ARHGAP44: variants seen among roughly 807,000 people sequenced by gnomAD.
ARHGAP44 encodes Rho GTPase activating protein 44.
ARHGAP44 carries 43 observed loss-of-function variants against 106.8 expected under a neutral mutation model. The observed-to-expected ratio is 0.40, with a 90% confidence interval of 0.32 to 0.52. The LOEUF (loss-of-function observed/expected upper bound fraction) is 0.52, where lower values mean the gene tolerates loss of function less well. Ranked by LOEUF, ARHGAP44 falls within the 20% of genes least tolerant of loss-of-function variation. The probability of loss-of-function intolerance (pLI) is 0.48; values close to 1 mark genes in which losing one functional copy is unlikely to be tolerated. For synonymous variants in ARHGAP44, 439 were observed against 410.3 expected (o/e 1.07, Z -0.85); for missense variants, 866 against 1,050.5 (o/e 0.82, Z 2.43).
At chr17:12,907,101 C>T (rs1309164731) in intron 3 of ARHGAP44, among the ~76,000 whole-genome samples, 1 of 152,138 alleles carries the variant, frequency 6.6e-6, no homozygotes, top group Non-Finnish European at 1.5e-5. Flanking sequence ...TAAGTGGAAA[C>T]GCTCTATGTG....
chr17:12,824,535 A>G (rs2034864061), intron 1 of ARHGAP44, among the ~76,000 whole-genome samples: 2 of 151,962 alleles, frequency 1.3e-5, no homozygotes, highest in Non-Finnish European at 2.9e-5. Context: ...GCCCCATCTG[A>G]TTGAGTTGGA....
chr17:12,879,593 A>C (rs546998112), intron 1 of ARHGAP44, among the ~76,000 whole-genome samples: 2 of 152,030 alleles, frequency 1.3e-5, no homozygotes, highest in East Asian at 3.9e-4. Flanking sequence ...TTTTTAAGCA[A>C]AAAGTAGTAA....
chr17:12,826,684 A>G (rs1222754432), intron 1 of ARHGAP44, among the ~76,000 whole-genome samples: 2 of 152,184 alleles, frequency 1.3e-5, no homozygotes, highest in African/African-American at 4.8e-5. Context: ...CCAAGACAAG[A>G]ATGCTTGGAT....
chr17:12,987,211 T>A lies in ARHGAP44; in HGVS notation c.2317+2303T>A. The stretch of plus-strand genomic sequence containing the variant: ...CTAGCTAGCCAGGCCAGCTGCCCGC[T>A]CCTCCCCTCCGCTCCTCGTCTCTGC... On this transcript the variant is annotated intron_variant, in intron 20 of 20. Transcript: ENST00000379672. 2.1e-6 allele frequency: 3 copies of A among 1,430,364 alleles called. No individual in the cohort carries two copies. In the South Asian group the frequency reaches 3.8e-5, roughly 18 times the overall value. The allele number at this position is 1,430,364 out of a possible 1,614,324, so 88.6% of individuals were successfully genotyped here.
chr17:12,861,711 T>C (rs1226071607), intron 1 of ARHGAP44, among the ~76,000 whole-genome samples: 1 of 137,452 alleles, frequency 7.3e-6, no homozygotes, highest in Admixed American at 8.2e-5. Flanking sequence ...CTCGGCTCAC[T>C]GCAACCTCCG....
intron 1 of ARHGAP44, among the ~76,000 whole-genome samples, chr17:12,840,976 G>A (rs532857901): frequency 6.6e-6 from 1 of 152,228 alleles, no homozygotes; most frequent in South Asian, 2.1e-4. Context: ...ACCTTGGCCT[G>A]GTACCCTCAT....
chr17:12,955,573 G>A (rs1205342894), intron 13 of ARHGAP44, among the ~76,000 whole-genome samples: 1 of 152,152 alleles, frequency 6.6e-6, no homozygotes, highest in Non-Finnish European at 1.5e-5. Flanking sequence ...TGTAAAAAGT[G>A]AGGCACTTCA....
chr17:12,823,124 T>G (rs2034820473), intron 1 of ARHGAP44, among the ~76,000 whole-genome samples: 1 of 152,188 alleles, frequency 6.6e-6, no homozygotes, highest in Non-Finnish European at 1.5e-5. Context: ...ATTGTCCTTA[T>G]GATAAAATGA....
At chr17:12,973,018 G>A (rs2039568657) in intron 16 of ARHGAP44, 3 of 396,054 alleles carry the variant, frequency 7.6e-6, no homozygotes, top group Admixed American at 8.6e-5. Flanking sequence ...ACTTTTACCA[G>A]TTTCTTTCTT....
intron 4 of ARHGAP44, among the ~76,000 whole-genome samples, chr17:12,911,560 G>A (rs758872871): frequency 6.6e-6 from 1 of 152,150 alleles, no homozygotes; most frequent in Non-Finnish European, 1.5e-5. Flanking sequence ...TGGGTCTTTG[G>A]GGGTGGAGTG....
intron 19 of ARHGAP44, chr17:12,980,762 A>G (rs1373766999): frequency 2.6e-5 from 4 of 153,348 alleles, no homozygotes; most frequent in Non-Finnish European, 5.8e-5. Context: ...AGCTAAAGGT[A>G]TGCTCCATGT....
rs71144930 is a variant in ARHGAP44 at position 12,861,644 on chromosome 17, C to CTTTTTTTTTTTTTTTTTTTTTTTTT, written c.54-33282_54-33281insTTTTTTTTTTTTTTTTTTTTTTTTT. ...AATTCCTCTTCTGCCTCCTCTTCCA[C>CTTTTTTTTTTTTTTTTTTTTTTTTT]TTTTTTTTTTTTTTGAGATGGAATC... On this transcript the variant is annotated intron_variant, in intron 1 of 20. Coordinates refer to ENST00000379672, the MANE Select transcript of ARHGAP44 (RefSeq NM_014859.6). 6.6e-4 allele frequency among the ~76,000 whole-genome samples: 45 copies of CTTTTTTTTTTTTTTTTTTTTTTTTT among 67,750 alleles called. 11 individuals are homozygous for CTTTTTTTTTTTTTTTTTTTTTTTTT. The highest frequency in any genetic ancestry group is 1.3e-3 in the East Asian group (3 of 2,360). 44.4% of individuals were successfully genotyped at this position (67,750 alleles called of 152,430 possible).
At position 12,901,080 on chromosome 17, in the gene ARHGAP44, T is replaced by A. The variant is rs1808245; in HGVS notation, c.198+4569T>A. ...CTGAGATTACAGGCACCTGCCACCATGCCCAGCTAACTTTTGTATTTTTAG... is the reference window on the plus strand; with the variant it reads ...CTGAGATTACAGGCACCTGCCACCAAGCCCAGCTAACTTTTGTATTTTTAG... On this transcript the variant is annotated intron_variant, in intron 3 of 20. Transcript: ENST00000379672. Among the ~76,000 whole-genome samples, 3 of 151,762 alleles carry A rather than the reference T, an allele frequency of 2.0e-5. No individual in the cohort carries two copies. The East Asian group carries it at 5.8e-4, about 30-fold the overall frequency.
intron 7 of ARHGAP44, among the ~76,000 whole-genome samples, chr17:12,933,497 C>G (rs1310726704): frequency 6.6e-6 from 1 of 152,220 alleles, no homozygotes; most frequent in Admixed American, 6.5e-5. Context: ...CCAAACCCTG[C>G]CTTCCTCCCT....
At chr17:12,973,403 G>A in intron 17 of ARHGAP44, 84 bp downstream of exon 17, 1 of 1,435,836 alleles carries the variant, frequency 7.0e-7, no homozygotes, top group South Asian at 1.2e-5. Flanking sequence ...TCCACCAGAG[G>A]GTGAATGCGC....
chr17:12,885,180 T>G (rs143908053), intron 1 of ARHGAP44, among the ~76,000 whole-genome samples: 7 of 152,226 alleles, frequency 4.6e-5, no homozygotes, highest in African/African-American at 1.7e-4. Flanking sequence ...ATTACAGGCG[T>G]GAGCCATCGC....
intron 4 of ARHGAP44, among the ~76,000 whole-genome samples, chr17:12,914,568 G>A (rs1038785965): frequency 7.9e-5 from 12 of 152,154 alleles, no homozygotes; most frequent in South Asian, 2.1e-4. Flanking sequence ...GCCGAGGTGG[G>A]TGGATCACCT....
intron 7 of ARHGAP44, among the ~76,000 whole-genome samples, chr17:12,938,238 T>A (rs2038604737): frequency 6.6e-6 from 1 of 152,032 alleles, no homozygotes. Flanking sequence ...ATGAGAAGAG[T>A]TAATATTATA....
chr17:12,966,947 C>T (rs11078104), intron 16 of ARHGAP44, among the ~76,000 whole-genome samples: 29,358 of 151,986 alleles, frequency 0.19, 3,077 homozygotes, highest in Middle Eastern at 0.31. Flanking sequence ...AAATTCTGCC[C>T]GGTGATAAGT....
Sources: allele counts gnomAD v4.1 joint callset (sites outside exome capture counted in the v4.1 genomes callset), GRCh38; gene constraint gnomAD v4.1.1; transcripts MANE v1.5; gene names NCBI Gene and HGNC (gene_info 2026-07-23, HGNC 2026-07-21).